Variants in POTEE observed in about 807,000 individuals in gnomAD.
POTEE encodes the protein POTE ankyrin domain family member E, also known as ANKRD26-like family C member 1A.
Under a neutral mutation model 74.2 loss-of-function variants are expected in POTEE, and 21 were observed. The observed-to-expected ratio is 0.28, with a 90% CI of 0.20 to 0.41. The LOEUF is 0.41. Among genes scored for constraint, POTEE ranks in the 10% least tolerant of loss-of-function variants. POTEE has a pLI of 1.00. For missense variants in POTEE, 525 were observed against 1,158.6 expected (o/e 0.45, Z 7.94); for synonymous variants, 211 against 432.8 (o/e 0.49, Z 6.36).
chr2:131,219,378 A>C (rs866930613), intron 4 of POTEE, among the ~76,000 whole-genome samples: 1 of 151,286 alleles, frequency 6.6e-6, no homozygotes, highest in Admixed American at 6.6e-5. Context: ...TTACTGAGGA[A>C]CCTTAGAAGG....
At chr2:131,211,622 G>C (rs1201372423) in intron 2 of POTEE, among the ~76,000 whole-genome samples, 1 of 137,232 alleles carries the variant, frequency 7.3e-6, no homozygotes, top group Non-Finnish European at 1.5e-5. Context: ...GTGCGATCTC[G>C]GCTCACTGCA....
chr2:131,225,500 ATC>A (rs1700754115), intron 6 of POTEE, among the ~76,000 whole-genome samples: 1 of 146,902 alleles, frequency 6.8e-6, no homozygotes, highest in African/African-American at 2.5e-5. Context: ...AACTTAAGGT[ATC>A]TCTAGAAGAG....
chr2:131,264,871 C>G lies in POTEE; in HGVS notation c.*188C>G. 1.0e-6 allele frequency: 1 copy of G among 965,610 alleles called. No individual in the cohort carries two copies. Among genetic ancestry groups the G allele is most frequent in the African/African-American group, 1.7e-5 (1 of 59,956 alleles). 59.8% of individuals were successfully genotyped at this position (965,610 alleles called of 1,614,324 possible). A position where few individuals can be genotyped will look rare whatever the true frequency, so the allele number is the denominator to read the frequency against. ...AGCAGTCGGTTGGAGGAAGCTTCCT[C>G]CAAAGTTCTACAATGTTGCCAAGGA... On this transcript the variant is annotated 3_prime_UTR_variant, in exon 18 of 18. Coordinates refer to ENST00000683005, the MANE Select transcript of POTEE (RefSeq NM_001083538.3).
In POTEE at chr2:131,263,445, A is replaced by G. The variant is rs1701781316; in HGVS notation, c.1990A>G (p.Thr664Ala). 1.2e-6 allele frequency: 2 copies of G among 1,611,998 alleles called. No homozygotes were observed. The highest frequency in any genetic ancestry group is 1.1e-5 in the South Asian group (1 of 90,940). Reference protein sequence around the residue: ...EIAMLRLELDTMKHQSQLREK... With the variant: ...EIAMLRLELDAMKHQSQLREK... ...TGCCATGCTAAGACTGGAGCTAGACACAATGAAACATCAGAGCCAGCTAAG... is the reference window on the plus strand; with the variant it reads ...TGCCATGCTAAGACTGGAGCTAGACGCAATGAAACATCAGAGCCAGCTAAG... The change falls in exon 18 of 18, where the codon ACA becomes GCA. Residue 664 changes from threonine (T) to alanine (A), a missense_variant. Coordinates refer to ENST00000683005, the MANE Select transcript of POTEE (RefSeq NM_001083538.3).
At chr2:131,220,058 T>A (rs1215794126) in intron 4 of POTEE, among the ~76,000 whole-genome samples, 18 of 151,512 alleles carry the variant, frequency 1.2e-4, no homozygotes, top group Admixed American at 1.2e-3. Context: ...AAAAGATGGA[T>A]TGTTCATAAT....
intron 4 of POTEE, among the ~76,000 whole-genome samples, chr2:131,222,746 G>T (rs947633681): frequency 7.9e-5 from 12 of 151,990 alleles, no homozygotes; most frequent in Non-Finnish European, 1.5e-4. Flanking sequence ...GTTTTCTTTG[G>T]CTTAAAGTTT....
chr2:131,222,026 TA>T (rs1335615864), intron 4 of POTEE, among the ~76,000 whole-genome samples: 1 of 152,298 alleles, frequency 6.6e-6, no homozygotes, highest in Non-Finnish European at 1.5e-5. Context: ...CTGAGAGATT[TA>T]AAATTGGTGC....
Position 131,264,068 on chromosome 2 carries a change from C to T in POTEE, c.2613C>T (p.Leu871=), listed in dbSNP as rs1235047470. The change falls in exon 18 of 18, where the codon CTC becomes CTT. Residue 871 remains leucine (L), a synonymous_variant. Coordinates refer to ENST00000683005, the MANE Select transcript of POTEE (RefSeq NM_001083538.3). ...HTVPIYEGNA[L]PHATLRLDLA... is the part of the protein sequence containing the mutation. ...TGCCCATCTATGAGGGGAATGCCCT[C>T]CCCCATGCCACCCTGCGCCTAGACC... The T allele has an allele frequency of 1.2e-6, 2 of 1,614,246 alleles. No homozygotes were observed. The highest frequency in any genetic ancestry group is 1.1e-5 in the South Asian group (1 of 91,086).
At chr2:131,217,343 A>G (rs897569171) in intron 2 of POTEE, among the ~76,000 whole-genome samples, 2 of 99,652 alleles carry the variant, frequency 2.0e-5, no homozygotes, top group African/African-American at 8.0e-5. Flanking sequence ...GTGCGGAGCA[A>G]AGAGGAGCAG....
chr2:131,210,032 G>A (rs1275575137), intron 1 of POTEE, among the ~76,000 whole-genome samples: 1 of 99,512 alleles, frequency 1.0e-5, no homozygotes, highest in Non-Finnish European at 2.0e-5. Context: ...GAGGCAGGTT[G>A]TGTGCACTAA....
rs1363303627 is a variant in POTEE, at chr2:131,209,558, C to A, written c.-606C>A. 1.3e-5 allele frequency among the ~76,000 whole-genome samples: 2 copies of A among 152,180 alleles called. No individual in the cohort carries two copies. The highest frequency in any genetic ancestry group is 1.3e-4 in the Admixed American group (2 of 15,286). On this transcript the variant is annotated 5_prime_UTR_variant, in exon 1 of 18. Transcript: ENST00000683005. ...GTCATTTCAGGCTCTTAAGTGTGGG[C>A]GTTTGGTAACCGGCATGGCTGCTAC... is the stretch of plus-strand genomic sequence containing the variant.
rs750345024 is a variant in POTEE at position 131,264,024 on chromosome 2, G to A, written c.2569G>A (p.Asp857Asn). Residue 857 changes from aspartate to asparagine, a missense_variant, in exon 18 of 18, where the codon GAC (aspartate) becomes AAC (asparagine). By Grantham distance (23) the Asp-to-Asn change is conservative. Coordinates refer to ENST00000683005, the MANE Select transcript of POTEE (RefSeq NM_001083538.3). Reference protein sequence around the residue: ...RTTGIVMDSGDGVTHTVPIYE... With the variant: ...RTTGIVMDSGNGVTHTVPIYE... ...TACTGGCATCGTGATGGACTCTGGT[G>A]ACGGGGTCACCCACACTGTGCCCAT... 1 of 1,614,098 alleles carries A rather than the reference G, an allele frequency of 6.2e-7. No individual in the cohort carries two copies. Among genetic ancestry groups the A allele is most frequent in the Non-Finnish European group, 8.5e-7 (1 of 1,180,052 alleles).
At chr2:131,258,655 TGAA>T (rs1002412082) in intron 16 of POTEE, among the ~76,000 whole-genome samples, 2 of 147,276 alleles carry the variant, frequency 1.4e-5, no homozygotes, top group African/African-American at 5.0e-5. Context: ...AGGTTAAAAA[TGAA>T]GAAAATTTAC....
intron 10 of POTEE, among the ~76,000 whole-genome samples, chr2:131,237,670 T>A (rs1326950862): frequency 6.6e-6 from 1 of 151,866 alleles, no homozygotes; most frequent in Admixed American, 6.6e-5. Flanking sequence ...TGCATCTCTT[T>A]CTGTTTGGTG....
chr2:131,233,868 C>G (rs549292677), intron 9 of POTEE, among the ~76,000 whole-genome samples: 13 of 150,038 alleles, frequency 8.7e-5, no homozygotes, highest in African/African-American at 3.3e-4. Context: ...AGTATTTAAC[C>G]TGGATGTGAG....
intron 6 of POTEE, among the ~76,000 whole-genome samples, chr2:131,225,129 T>G (rs1700740757): frequency 6.6e-6 from 1 of 152,192 alleles, no homozygotes; most frequent in Admixed American, 6.5e-5. Flanking sequence ...GCACTAGCTT[T>G]CAGCTAGAAT....
chr2:131,263,253 G>T (rs1228205281), intron 17 of POTEE, 102 bp from the exon 18 acceptor site: 2 of 1,445,600 alleles, frequency 1.4e-6, no homozygotes, highest in Admixed American at 5.1e-5. Context: ...CCACTATGGG[G>T]ATTCTTTCAT....
At chr2:131,220,974 G>A (rs146711593) in intron 4 of POTEE, among the ~76,000 whole-genome samples, 1,836 of 115,984 alleles carry the variant, frequency 0.016, 29 homozygotes, top group African/African-American at 0.045. Context: ...AAAAAAAAAA[G>A]AAAAAAAAAA....
rs768338214 is a variant in POTEE at position 131,218,860 on chromosome 2, C to G, written c.458C>G (p.Pro153Arg). 5 of 1,613,032 alleles carry G rather than the reference C, an allele frequency of 3.1e-6. No homozygotes were observed. The Admixed American group carries it at 8.3e-5, about 27-fold the overall frequency. The change falls in exon 4 of 18, where the codon CCC becomes CGC. Residue 153 changes from proline (P) to arginine (R), a missense_variant. Transcript: ENST00000683005. Reference protein sequence around the residue: ...LHRAAWWGKVPRKDLIVMLRD... With the variant: ...LHRAAWWGKVRRKDLIVMLRD... Reference sequence around the variant, plus strand: ...AGAGCTGCCTGGTGGGGTAAAGTCCCCAGAAAGGATCTCATCGTCATGCTC... The same window carrying G: ...AGAGCTGCCTGGTGGGGTAAAGTCCGCAGAAAGGATCTCATCGTCATGCTC...
Sources: gnomAD v4.1 joint callset for allele counts (sites outside exome capture counted in the v4.1 genomes callset) on GRCh38, gnomAD v4.1.1 for gene constraint, MANE v1.5 for transcripts, NCBI Gene and HGNC (gene_info 2026-07-23, HGNC 2026-07-21) for gene names.